Variants in ARK2C observed in about 807,000 individuals in gnomAD.
ARK2C encodes the protein arkadia (RNF111) C-terminal like ring finger ubiquitin ligase 2C, also known as E3 ubiquitin-protein ligase ARK2C.
the ARK2C span, among the ~76,000 whole-genome samples, chr18:46,431,195 C>T: frequency 6.6e-6 from 1 of 152,208 alleles, no homozygotes; most frequent in Non-Finnish European, 1.5e-5. Flanking sequence ...TTTCCAGTTT[C>T]ATCCATGTCC....
the ARK2C span, among the ~76,000 whole-genome samples, chr18:46,383,939 G>A: frequency 1.3e-5 from 2 of 152,204 alleles, no homozygotes; most frequent in Admixed American, 1.3e-4. Flanking sequence ...ATCTTGCCAT[G>A]GAAGGCCAGT....
At chr18:46,395,359 T>C in the ARK2C span, among the ~76,000 whole-genome samples, 2 of 152,206 alleles carry the variant, frequency 1.3e-5, no homozygotes, top group African/African-American at 4.8e-5. Flanking sequence ...GATGATTCTT[T>C]GTTGCAGGGG....
At chr18:46,419,792 C>G in the ARK2C span, among the ~76,000 whole-genome samples, 5 of 152,136 alleles carry the variant, frequency 3.3e-5, no homozygotes, top group Non-Finnish European at 7.4e-5. Flanking sequence ...GATCTGGCAG[C>G]TCCAAGAAGC....
the ARK2C span, among the ~76,000 whole-genome samples, chr18:46,427,158 G>T: frequency 1.3e-5 from 2 of 152,342 alleles, no homozygotes; most frequent in South Asian, 4.1e-4. Flanking sequence ...GGATGGAGAT[G>T]GTGGAGGGAA....
chr18:46,369,661 G>A, the ARK2C span, among the ~76,000 whole-genome samples: 1 of 152,146 alleles, frequency 6.6e-6, no homozygotes, highest in East Asian at 1.9e-4. Flanking sequence ...CACTTTTCTA[G>A]CCTATCTCAT....
chr18:46,419,409 G>A, the ARK2C span, among the ~76,000 whole-genome samples: 1 of 152,156 alleles, frequency 6.6e-6, no homozygotes, highest in Non-Finnish European at 1.5e-5. Flanking sequence ...CCCCTGCTAG[G>A]TGGGCAAGCA....
the ARK2C span, among the ~76,000 whole-genome samples, chr18:46,362,266 C>T: frequency 6.6e-6 from 1 of 152,220 alleles, no homozygotes; most frequent in African/African-American, 2.4e-5. Flanking sequence ...GGTTTTCCTT[C>T]AGGGGTTTTG....
At chr18:46,371,394 G>C in the ARK2C span, among the ~76,000 whole-genome samples, 1 of 152,190 alleles carries the variant, frequency 6.6e-6, no homozygotes, top group African/African-American at 2.4e-5. Context: ...CCAGCGAGGA[G>C]GCTCTGACAA....
the ARK2C span, among the ~76,000 whole-genome samples, chr18:46,337,905 G>C: frequency 6.6e-6 from 1 of 151,794 alleles, no homozygotes; most frequent in East Asian, 1.9e-4. Context: ...CAGTTGTCCT[G>C]TTACACTGAA....
the ARK2C span, chr18:46,460,498 TTTAA>T: frequency 3.3e-5 from 5 of 152,560 alleles, no homozygotes; most frequent in South Asian, 2.1e-4. Context: ...TGGGTTCTTA[TTTAA>T]TTATTTTTAT....
the ARK2C span, among the ~76,000 whole-genome samples, chr18:46,382,128 A>T: frequency 6.6e-6 from 1 of 152,188 alleles, no homozygotes. Flanking sequence ...ATTAGAGGCC[A>T]TGAGGGTTTC....
chr18:46,334,560 T>G, the ARK2C span: 1 of 494,408 alleles, frequency 2.0e-6, no homozygotes, highest in Non-Finnish European at 3.5e-6. The surrounding 1 kb of genome is among the most constrained non-coding windows in gnomAD (Gnocchi z 4.4). Context: ...TTTGGGTCCC[T>G]TCCTCCCCAG....
At chr18:46,462,115 G>A in the ARK2C span, 1 of 152,366 alleles carries the variant, frequency 6.6e-6, no homozygotes, top group Non-Finnish European at 1.5e-5. Flanking sequence ...CTGTGGGCAG[G>A]AGGAGCTTCT....
the ARK2C span, among the ~76,000 whole-genome samples, chr18:46,364,168 G>A: frequency 2.0e-5 from 3 of 151,558 alleles, no homozygotes; most frequent in East Asian, 1.9e-4. Flanking sequence ...GGCTGGTCTC[G>A]AACTCCTGAT....
At chr18:46,421,724 C>T in the ARK2C span, among the ~76,000 whole-genome samples, 4 of 152,158 alleles carry the variant, frequency 2.6e-5, no homozygotes, top group African/African-American at 9.7e-5. Context: ...TAAATACTGG[C>T]CCTTTGCTGC....
At chr18:46,360,351 C>A in the ARK2C span, among the ~76,000 whole-genome samples, 3 of 152,222 alleles carry the variant, frequency 2.0e-5, no homozygotes, top group African/African-American at 4.8e-5. Flanking sequence ...TGCAACAGTG[C>A]AGGTGCTCCC....
At chr18:46,432,633 T>C in the ARK2C span, among the ~76,000 whole-genome samples, 2 of 152,216 alleles carry the variant, frequency 1.3e-5, no homozygotes, top group Non-Finnish European at 2.9e-5. Flanking sequence ...GTATGTTAAT[T>C]ATAAAAAGGA....
At chr18:46,454,683 A>C in the ARK2C span, among the ~76,000 whole-genome samples, 1 of 152,202 alleles carries the variant, frequency 6.6e-6, no homozygotes, top group Admixed American at 6.5e-5. Context: ...GTCATTCTCT[A>C]GGTAGTCTTC....
At chr18:46,405,299 C>T in the ARK2C span, among the ~76,000 whole-genome samples, 1 of 152,110 alleles carries the variant, frequency 6.6e-6, no homozygotes, top group Non-Finnish European at 1.5e-5. Context: ...TGCCCGTGGC[C>T]AGACAGGTTG....
Sources: gnomAD v4.1 joint callset for allele counts (sites outside exome capture counted in the v4.1 genomes callset) on GRCh38, gnomAD v4.1.1 for gene constraint, Gnocchi (gnomAD v3.1) non-coding constraint, MANE v1.5 for transcripts, NCBI Gene and HGNC (gene_info 2026-07-23, HGNC 2026-07-21) for gene names.